The following RIMBP2 variants were observed in gnomAD, a reference collection of about 807,000 sequenced individuals.
RIMBP2 encodes RIMS binding protein 2, also known as RIMS-binding protein 2.
A neutral mutation model predicts 118.6 loss-of-function variants in RIMBP2; 48 were observed. That is an observed-to-expected ratio of 0.40 (90% confidence interval 0.32 to 0.51). The LOEUF (loss-of-function observed/expected upper bound fraction) is 0.51, where lower values mean the gene tolerates loss of function less well. RIMBP2 is among the 20% of genes least tolerant of loss of function. The pLI is 0.41. For missense variants in RIMBP2, 1,551 were observed against 1,768.3 expected (o/e 0.88, Z 2.20); for synonymous variants, 762 against 742.9 (o/e 1.03, Z -0.42).
At chr12:130,556,534 G>A (rs2056371388) in intron 2 of RIMBP2, among the ~76,000 whole-genome samples, 1 of 152,238 alleles carries the variant, frequency 6.6e-6, no homozygotes, top group Admixed American at 6.5e-5. Flanking sequence ...AGCCAGGGAC[G>A]CTCGGGCACT....
chr12:130,503,583 C>T (rs1202846950), intron 4 of RIMBP2, among the ~76,000 whole-genome samples: 1 of 152,158 alleles, frequency 6.6e-6, no homozygotes, highest in Admixed American at 6.5e-5. Context: ...ATTGCTCCTC[C>T]ATTGCTATGA....
At chr12:130,600,233 A>C (rs759161726) in intron 2 of RIMBP2, among the ~76,000 whole-genome samples, 11 of 152,258 alleles carry the variant, frequency 7.2e-5, no homozygotes, top group Non-Finnish European at 1.3e-4. Context: ...CTGCCATTTT[A>C]AGTTTCACCT....
At chr12:130,429,593 G>A (rs1417176530) in intron 14 of RIMBP2, 2 of 152,168 alleles carry the variant, frequency 1.3e-5, no homozygotes, top group Non-Finnish European at 2.9e-5. Flanking sequence ...AGTTTATTTT[G>A]CGGAGGTGTG....
chr12:130,435,220 AT>A (rs2137005058), intron 13 of RIMBP2, among the ~76,000 whole-genome samples: 2 of 152,074 alleles, frequency 1.3e-5, no homozygotes, highest in East Asian at 3.9e-4. Flanking sequence ...TAAGTTTTGT[AT>A]TTTTAGTAGA....
intron 2 of RIMBP2, among the ~76,000 whole-genome samples, chr12:130,529,766 G>A (rs1030765622): frequency 1.3e-5 from 2 of 152,096 alleles, no homozygotes; most frequent in African/African-American, 4.8e-5. Context: ...GGGGTGGGGG[G>A]AATGGTTTTG....
intron 2 of RIMBP2, among the ~76,000 whole-genome samples, chr12:130,619,677 C>G (rs2061178785): frequency 1.3e-5 from 2 of 152,308 alleles, no homozygotes; most frequent in South Asian, 4.1e-4. Context: ...GGGGACCGCA[C>G]AGACACCATG....
chr12:130,484,856 A>T (rs762197891), intron 4 of RIMBP2, among the ~76,000 whole-genome samples: 6 of 152,248 alleles, frequency 3.9e-5, no homozygotes, highest in Non-Finnish European at 8.8e-5. Flanking sequence ...GTGTGGTCTT[A>T]GAGTAGTTAC....
chr12:130,457,748 G>A (rs1289319048), intron 6 of RIMBP2, among the ~76,000 whole-genome samples: 5 of 152,148 alleles, frequency 3.3e-5, no homozygotes, highest in East Asian at 1.9e-4. Flanking sequence ...ACACACCTTC[G>A]ATACTCTGCA....
chr12:130,695,734 C>T (rs976482202), intron 1 of RIMBP2, among the ~76,000 whole-genome samples: 25 of 152,032 alleles, frequency 1.6e-4, no homozygotes, highest in East Asian at 3.9e-4. Flanking sequence ...GGCCAGGGGA[C>T]GAGGCAGAGG....
intron 17 of RIMBP2, among the ~76,000 whole-genome samples, chr12:130,415,980 A>ACACACACAC (rs58544830): frequency 3.7e-4 from 55 of 149,434 alleles, no homozygotes; most frequent in African/African-American, 1.1e-3. Context: ...CACACACACA[A>ACACACACAC]AATATACAGA....
At chr12:130,686,761 G>A (rs774132651) in intron 1 of RIMBP2, among the ~76,000 whole-genome samples, 1 of 152,216 alleles carries the variant, frequency 6.6e-6, no homozygotes, top group Non-Finnish European at 1.5e-5. Flanking sequence ...CAGCGCCGTC[G>A]GGGGCCTGGG....
At chr12:130,510,392 T>G (rs1204915374) in intron 3 of RIMBP2, among the ~76,000 whole-genome samples, 1 of 152,064 alleles carries the variant, frequency 6.6e-6, no homozygotes, top group Non-Finnish European at 1.5e-5. Flanking sequence ...ATAAGCAAAG[T>G]AAAAGGAAAG....
At chr12:130,521,435 GT>G (rs1318648091) in intron 2 of RIMBP2, among the ~76,000 whole-genome samples, 2 of 152,308 alleles carry the variant, frequency 1.3e-5, no homozygotes, top group South Asian at 2.1e-4. Flanking sequence ...GATTGGGGGT[GT>G]GGGGGGTCTA....
intron 2 of RIMBP2, among the ~76,000 whole-genome samples, chr12:130,567,362 C>T (rs1178343574): frequency 6.6e-6 from 1 of 152,202 alleles, no homozygotes; most frequent in Non-Finnish European, 1.5e-5. Flanking sequence ...AAGGCTGATG[C>T]TTATTAGTTT....
intron 14 of RIMBP2, chr12:130,429,494 C>G (rs545594409): frequency 6.6e-6 from 1 of 151,556 alleles, no homozygotes; most frequent in Non-Finnish European, 1.5e-5. Flanking sequence ...TTCGACAACT[C>G]GAACTACACG....
In RIMBP2 at chr12:130,532,049, T is replaced by G. The variant is rs75660613; in HGVS notation, c.-216-14132A>C. ...GGGACGTCTAATGAGATGCGTATGT[T>G]TAGCCTCTAGGAGGTACGTCTAATG... On this transcript the variant is annotated intron_variant, in intron 2 of 22. Coordinates refer to ENST00000690449, the MANE Select transcript of RIMBP2 (RefSeq NM_001393629.1). Among the ~76,000 whole-genome samples the G allele has an allele frequency of 2.9e-3, 268 of 92,526 alleles. 1 individual carries two copies. Among genetic ancestry groups the G allele is most frequent in the East Asian group, 0.013 (30 of 2,304 alleles). 60.7% of individuals were successfully genotyped at this position (92,526 alleles called of 152,430 possible).
chr12:130,546,560 TGC>T (rs2055191525), intron 2 of RIMBP2, among the ~76,000 whole-genome samples: 1 of 152,144 alleles, frequency 6.6e-6, no homozygotes, highest in Non-Finnish European at 1.5e-5. Flanking sequence ...CCTCCCGAAG[TGC>T]TGGGATTACA....
intron 7 of RIMBP2, among the ~76,000 whole-genome samples, chr12:130,455,224 G>T (rs961320957): frequency 1.3e-5 from 2 of 152,246 alleles, no homozygotes; most frequent in Non-Finnish European, 2.9e-5. Context: ...AAACCGTCTT[G>T]TTTTCCTCCA....
chr12:130,433,636 C>A (rs2077298659), intron 14 of RIMBP2, among the ~76,000 whole-genome samples: 2 of 152,212 alleles, frequency 1.3e-5, no homozygotes, highest in African/African-American at 2.4e-5. Flanking sequence ...GGCCATGTGA[C>A]CTCAGTCTGC....
Sources: gnomAD v4.1 joint callset for allele counts (sites outside exome capture counted in the v4.1 genomes callset) on GRCh38, gnomAD v4.1.1 for gene constraint, MANE v1.5 for transcripts, NCBI Gene and HGNC (gene_info 2026-07-23, HGNC 2026-07-21) for gene names.